ZBTB20: variants seen among roughly 807,000 people sequenced by gnomAD.
ZBTB20 encodes zinc finger and BTB domain-containing protein 20.
Under a neutral mutation model 56.9 loss-of-function variants are expected in ZBTB20, and 9 were observed. The ratio of observed to expected loss-of-function variants is 0.16; its 90% CI spans 0.10 to 0.28. The LOEUF (loss-of-function observed/expected upper bound fraction) is 0.28, where lower values mean the gene tolerates loss of function less well. Ranked by LOEUF, ZBTB20 falls within the 10% of genes least tolerant of loss-of-function variation. ZBTB20 has a pLI of 1.00. For synonymous variants in ZBTB20, 417 were observed against 420.7 expected (o/e 0.99, Z 0.11); for missense variants, 655 against 1,003.0 (o/e 0.65, Z 4.69).
chr3:115,126,687 G>T (rs2084342949), intron 1 of ZBTB20, among the ~76,000 whole-genome samples: 1 of 152,096 alleles, frequency 6.6e-6, no homozygotes, highest in Admixed American at 6.6e-5. Context: ...ATCTGCAGGA[G>T]TAATATTAAA....
chr3:114,348,981 C>T (rs979370572), intron 11 of ZBTB20, among the ~76,000 whole-genome samples: 7 of 152,072 alleles, frequency 4.6e-5, no homozygotes, highest in African/African-American at 1.4e-4. Flanking sequence ...AGGCAGATGG[C>T]TTGAGCTCAG....
At position 114,494,165 on chromosome 3, in the gene ZBTB20, T is replaced by G. The variant is rs1053536436; in HGVS notation, c.-255+6187A>C. Among the ~76,000 whole-genome samples, 6 of 152,308 alleles carry G rather than the reference T, an allele frequency of 3.9e-5. No individual in the cohort carries two copies. The East Asian group carries it at 1.2e-3, about 29-fold the overall frequency. ...TAAAGCAAGGCAAGCACTCAATAGG[T>G]ATTTCTTATTGTTATTATTAGTTGA... On this transcript the variant is annotated intron_variant, in intron 7 of 11. Coordinates refer to ENST00000675478, the MANE Select transcript of ZBTB20 (RefSeq NM_001348800.3).
chr3:114,900,917 G>A (rs746388519), intron 3 of ZBTB20, among the ~76,000 whole-genome samples: 2 of 152,104 alleles, frequency 1.3e-5, no homozygotes, highest in African/African-American at 4.8e-5. Flanking sequence ...ACACCACGTC[G>A]GATATAATGC....
At chr3:114,629,647 C>G (rs2058832787) in intron 6 of ZBTB20, among the ~76,000 whole-genome samples, 1 of 152,068 alleles carries the variant, frequency 6.6e-6, no homozygotes, top group Non-Finnish European at 1.5e-5. Flanking sequence ...CAATACTAAT[C>G]TGTTCTATAA....
At chr3:115,006,878 TTAGA>T (rs1285501138) in intron 2 of ZBTB20, among the ~76,000 whole-genome samples, 1 of 151,870 alleles carries the variant, frequency 6.6e-6, no homozygotes, top group Admixed American at 6.6e-5. Context: ...ATTTGTTCCC[TTAGA>T]TATTCATTTG....
At chr3:114,979,605 C>T (rs1215514665) in intron 2 of ZBTB20, among the ~76,000 whole-genome samples, 1 of 151,856 alleles carries the variant, frequency 6.6e-6, no homozygotes, top group Non-Finnish European at 1.5e-5. Context: ...TTATAGCAAA[C>T]AAGTCTTCAT....
intron 6 of ZBTB20, chr3:114,687,119 G>C (rs2062387689): frequency 6.6e-6 from 1 of 151,740 alleles, no homozygotes; most frequent in South Asian, 2.1e-4. Context: ...ATTGATAGAG[G>C]ACATAGCCTA....
intron 6 of ZBTB20, among the ~76,000 whole-genome samples, chr3:114,644,571 G>A (rs965530904): frequency 6.6e-6 from 1 of 152,076 alleles, no homozygotes; most frequent in African/African-American, 2.4e-5. Context: ...ATACCAGTCA[G>A]AATGGCTGTT....
At chr3:114,928,773 G>C (rs887815665) in intron 3 of ZBTB20, among the ~76,000 whole-genome samples, 1 of 152,180 alleles carries the variant, frequency 6.6e-6, no homozygotes, top group Non-Finnish European at 1.5e-5. Flanking sequence ...GAAATGTGCT[G>C]TAAATTTCAA....
intron 3 of ZBTB20, among the ~76,000 whole-genome samples, chr3:114,917,710 T>G (rs897794821): frequency 6.6e-6 from 1 of 152,186 alleles, no homozygotes; most frequent in Non-Finnish European, 1.5e-5. Context: ...CTTCCATTAC[T>G]TTCTCCCAAA....
At chr3:114,440,569 G>T (rs2090846805) in intron 7 of ZBTB20, among the ~76,000 whole-genome samples, 1 of 152,124 alleles carries the variant, frequency 6.6e-6, no homozygotes, top group South Asian at 2.1e-4. Flanking sequence ...ATTTACACTT[G>T]CTCTTCATGG....
intron 1 of ZBTB20, among the ~76,000 whole-genome samples, chr3:115,141,263 G>A (rs1249631555): frequency 6.6e-6 from 1 of 152,128 alleles, no homozygotes; most frequent in Non-Finnish European, 1.5e-5. Context: ...CCAATCTGCT[G>A]TTTCAATTTC....
At chr3:115,141,758 G>A (rs2084817553) in intron 1 of ZBTB20, among the ~76,000 whole-genome samples, 1 of 152,126 alleles carries the variant, frequency 6.6e-6, no homozygotes, top group Non-Finnish European at 1.5e-5. Context: ...AGTATCTCTG[G>A]CAAAGAAATG....
chr3:114,391,940 A>G (rs186989214), intron 7 of ZBTB20, among the ~76,000 whole-genome samples: 2 of 152,330 alleles, frequency 1.3e-5, no homozygotes, highest in East Asian at 3.9e-4. Flanking sequence ...AGAGAGAGGG[A>G]GGTTGGGGTG....
chr3:114,645,833 T>C (rs1055518251), intron 6 of ZBTB20, among the ~76,000 whole-genome samples: 3 of 152,198 alleles, frequency 2.0e-5, no homozygotes, highest in African/African-American at 7.2e-5. Flanking sequence ...AAGAATGTTG[T>C]ATAAAAACTA....
At chr3:114,683,830 C>T (rs1183448244) in intron 6 of ZBTB20, among the ~76,000 whole-genome samples, 1 of 152,004 alleles carries the variant, frequency 6.6e-6, no homozygotes, top group East Asian at 1.9e-4. Context: ...TCAGGTGCAG[C>T]TGAAGGGACC....
intron 1 of ZBTB20, among the ~76,000 whole-genome samples, chr3:115,145,676 C>G (rs2084941789): frequency 6.6e-6 from 1 of 152,158 alleles, no homozygotes; most frequent in South Asian, 2.1e-4. Flanking sequence ...GAAGGGCTGA[C>G]TGTATGTGAC....
At chr3:115,116,426 T>C (rs2084019611) in intron 1 of ZBTB20, among the ~76,000 whole-genome samples, 1 of 152,076 alleles carries the variant, frequency 6.6e-6, no homozygotes, top group South Asian at 2.1e-4. Context: ...TTCTACAGTA[T>C]GGGCTTTGGA....
At chr3:114,890,034 C>T (rs1001781917) in intron 4 of ZBTB20, among the ~76,000 whole-genome samples, 5 of 152,076 alleles carry the variant, frequency 3.3e-5, no homozygotes, top group African/African-American at 1.2e-4. Flanking sequence ...GAAGAGCTGC[C>T]TATATCTCAT....
Sources: allele counts gnomAD v4.1 joint callset (sites outside exome capture counted in the v4.1 genomes callset), GRCh38; gene constraint gnomAD v4.1.1; transcripts MANE v1.5; gene names NCBI Gene and HGNC (gene_info 2026-07-23, HGNC 2026-07-21).